The following NRXN3 variants were observed in gnomAD, a reference collection of about 807,000 sequenced individuals.
NRXN3 encodes the protein neurexin 3.
NRXN3 carries 32 observed loss-of-function variants against 137.6 expected under a neutral mutation model. That is an observed-to-expected ratio of 0.23 (90% CI 0.18 to 0.31). NRXN3 has a LOEUF of 0.31. NRXN3 is among the 10% of genes least tolerant of loss of function. The pLI is 1.00. For missense variants in NRXN3, 1,574 were observed against 2,062.5 expected, an observed-to-expected ratio of 0.76 and a Z score of 4.59; for synonymous variants, 798 against 784.5, an observed-to-expected ratio of 1.02 and a Z score of -0.29.
At chr14:79,185,367 A>G (rs2063397716) in intron 15 of NRXN3, among the ~76,000 whole-genome samples, 4 of 152,338 alleles carry the variant, frequency 2.6e-5, no homozygotes, top group Admixed American at 2.6e-4. Flanking sequence ...ACTGTCCTGA[A>G]AGATACACAT....
At chr14:78,355,683 G>A (rs1597699322) in intron 4 of NRXN3, among the ~76,000 whole-genome samples, 1 of 152,228 alleles carries the variant, frequency 6.6e-6, no homozygotes, top group South Asian at 2.1e-4. Flanking sequence ...GCCTCCCAAA[G>A]TGCTGGGATT....
intron 6 of NRXN3, among the ~76,000 whole-genome samples, chr14:78,669,595 C>T (rs184676215): frequency 7.7e-4 from 117 of 152,206 alleles, no homozygotes; most frequent in African/African-American, 2.5e-3. Flanking sequence ...CCTGTTTGTC[C>T]GGATGATTTT....
chr14:79,720,471 G>A (rs995243250), intron 19 of NRXN3, among the ~76,000 whole-genome samples: 18 of 152,040 alleles, frequency 1.2e-4, no homozygotes, highest in Admixed American at 1.1e-3. Context: ...TTTACTTGTT[G>A]TGATGAACAC....
intron 16 of NRXN3, among the ~76,000 whole-genome samples, chr14:79,478,638 A>G (rs1482877542): frequency 3.9e-5 from 6 of 152,266 alleles, no homozygotes; most frequent in East Asian, 3.9e-4. Context: ...GAAAAATCCA[A>G]TGACAGAATG....
intron 15 of NRXN3, among the ~76,000 whole-genome samples, chr14:79,359,547 A>G (rs1357138053): frequency 6.7e-6 from 1 of 149,190 alleles, no homozygotes; most frequent in Middle Eastern, 3.2e-3. Flanking sequence ...TCTTTATCAG[A>G]GCAAACATCC....
chr14:78,636,128 GTGTA>G (rs2097564720), intron 4 of NRXN3, among the ~76,000 whole-genome samples: 1 of 152,142 alleles, frequency 6.6e-6, no homozygotes, highest in African/African-American at 2.4e-5. Flanking sequence ...TGAACTGATT[GTGTA>G]ATAGACATAA....
intron 19 of NRXN3, among the ~76,000 whole-genome samples, chr14:79,706,687 C>G (rs544304188): frequency 1.2e-4 from 18 of 152,222 alleles, no homozygotes; most frequent in Admixed American, 1.0e-3. Context: ...CCCACTCCCC[C>G]CAGCTGCTCT....
chr14:79,187,237 G>C (rs140176104), intron 15 of NRXN3, among the ~76,000 whole-genome samples: 97 of 152,318 alleles, frequency 6.4e-4, no homozygotes, highest in Non-Finnish European at 1.2e-3. Flanking sequence ...AAGCAGGTTG[G>C]TAAATTTCCA....
Position 78,173,709 on chromosome 14 carries a change from CTTT to C in NRXN3, c.-704+3048_-704+3050del, listed in dbSNP as rs10638142. Among the ~76,000 whole-genome samples, 56 of 69,336 alleles carry C rather than the reference CTTT, an allele frequency of 8.1e-4. 4 individuals are homozygous for C. The Admixed American group carries it at 9.2e-3, about 11-fold the overall frequency. The allele number at this position is 69,336 out of a possible 152,430, so 45.5% of individuals were successfully genotyped here. On this transcript the variant is annotated intron_variant, in intron 1 of 20. Coordinates refer to ENST00000335750, the MANE Select transcript of NRXN3 (RefSeq NM_001330195.2). ...CGGCTCTTTTTTCCCTTTTTCCTTG[CTTT>C]TTTTTTTTTTTTGCAACACAACAGT...
At chr14:79,624,168 C>T (rs532352905) in intron 16 of NRXN3, among the ~76,000 whole-genome samples, 2 of 152,154 alleles carry the variant, frequency 1.3e-5, no homozygotes, top group Non-Finnish European at 2.9e-5. Context: ...AGCCACTGAT[C>T]GAGATTAAAA....
At chr14:78,987,690 TA>T (rs58398809) in intron 14 of NRXN3, among the ~76,000 whole-genome samples, 7 of 152,198 alleles carry the variant, frequency 4.6e-5, no homozygotes, top group Admixed American at 1.3e-4. Flanking sequence ...CATTCTACAT[TA>T]AAAAAAGCTA....
chr14:78,336,235 AGGCTGGG>A (rs2081451683), intron 4 of NRXN3, among the ~76,000 whole-genome samples: 1 of 152,186 alleles, frequency 6.6e-6, no homozygotes, highest in Non-Finnish European at 1.5e-5. Context: ...AGTTGCAGTG[AGGCTGGG>A]ACCTGGGTTC....
chr14:78,526,827 A>C (rs12882387), intron 4 of NRXN3: 122,880 of 501,618 alleles, frequency 0.24, 15,758 homozygotes, highest in Middle Eastern at 0.3. Context: ...AAGAAAGGGG[A>C]TTCATATTTT....
rs574729969 is a variant in NRXN3 at position 78,395,578 on chromosome 14, C to G, written c.757+97718C>G. Among the ~76,000 whole-genome samples, 3 of 151,904 alleles carry G rather than the reference C, an allele frequency of 2.0e-5. No individual in the cohort carries two copies. In the East Asian group the frequency reaches 5.8e-4, roughly 29 times the overall value. On this transcript the variant is annotated intron_variant, in intron 4 of 20. Transcript: ENST00000335750. ...GTTCTATCTCTTTGTGATTTTCTAT[C>G]TAGTTGTCCTATCGATTATTGAGAG... is the stretch of plus-strand genomic sequence containing the variant.
intron 4 of NRXN3, among the ~76,000 whole-genome samples, chr14:78,474,611 A>C (rs1049202663): frequency 2.0e-5 from 3 of 152,150 alleles, no homozygotes; most frequent in African/African-American, 2.4e-5. Flanking sequence ...ACTAAAAATA[A>C]GTTCCTGGTT....
At chr14:79,491,183 A>T (rs1033264206) in intron 16 of NRXN3, among the ~76,000 whole-genome samples, 3 of 152,122 alleles carry the variant, frequency 2.0e-5, no homozygotes, top group Non-Finnish European at 2.9e-5. Flanking sequence ...TAGTGAGGTT[A>T]AGTGACTTGC....
intron 15 of NRXN3, among the ~76,000 whole-genome samples, chr14:79,199,414 A>T (rs886962444): frequency 2.0e-5 from 3 of 152,214 alleles, no homozygotes. Context: ...GATTGTGCTG[A>T]TGACAGCAAA....
chr14:79,770,941 A>G (rs1197450032), intron 19 of NRXN3, among the ~76,000 whole-genome samples: 43 of 152,192 alleles, frequency 2.8e-4, no homozygotes, highest in Admixed American at 2.8e-3. Context: ...GATAAAGAAG[A>G]TATCACCACC....
At chr14:78,545,330 A>G (rs1013489174) in intron 4 of NRXN3, among the ~76,000 whole-genome samples, 2 of 152,106 alleles carry the variant, frequency 1.3e-5, no homozygotes, top group African/African-American at 4.8e-5. Flanking sequence ...ACACACACAC[A>G]AACAACTTTA....
Sources: gnomAD v4.1 joint callset for allele counts (sites outside exome capture counted in the v4.1 genomes callset) on GRCh38, gnomAD v4.1.1 for gene constraint, MANE v1.5 for transcripts, NCBI Gene and HGNC (gene_info 2026-07-23, HGNC 2026-07-21) for gene names.